A1CF: variants seen among roughly 807,000 people sequenced by gnomAD.
The protein encoded by A1CF is APOBEC1 complementation factor.
In A1CF, 48 loss-of-function variants were observed where a neutral mutation model predicts 68.9. The ratio of observed to expected loss-of-function variants is 0.70; its 90% CI spans 0.55 to 0.89. The LOEUF (loss-of-function observed/expected upper bound fraction) is 0.89. Among genes scored for constraint, A1CF ranks in the 40% least tolerant of loss-of-function variants. The pLI is 0.00. For missense variants in A1CF, 653 were observed against 718.9 expected, an observed-to-expected ratio of 0.91 and a Z score of 1.05; for synonymous variants, 272 against 260.4, an observed-to-expected ratio of 1.04 and a Z score of -0.43.
chr10:50,821,591 A>T (rs74963580), intron 7 of A1CF, among the ~76,000 whole-genome samples: 2 of 151,776 alleles, frequency 1.3e-5, no homozygotes, highest in Non-Finnish European at 2.9e-5. Context: ...GCTAGAGTGC[A>T]ATGGCGTGAT....
At chr10:50,828,987 C>A (rs1290405588) in intron 6 of A1CF, among the ~76,000 whole-genome samples, 5 of 152,138 alleles carry the variant, frequency 3.3e-5, no homozygotes, top group Non-Finnish European at 7.4e-5. Flanking sequence ...AATTTTAATT[C>A]TTCTGTAAAG....
At chr10:50,828,492 G>A (rs1032188145) in intron 6 of A1CF, 197 bp from the exon 7 acceptor site, 3 of 410,400 alleles carry the variant, frequency 7.3e-6, no homozygotes, top group Non-Finnish European at 8.6e-6. Context: ...CTGTGTGACC[G>A]GTGGCTTGTT....
chr10:50,850,646 T>C (rs760450981), intron 3 of A1CF: 1 of 1,613,886 alleles, frequency 6.2e-7, no homozygotes, highest in Admixed American at 1.7e-5. Flanking sequence ...CCAACTCACT[T>C]CTAAGACCCT....
chr10:50,866,230 TA>T (rs1564530465), intron 1 of A1CF, among the ~76,000 whole-genome samples: 2 of 152,192 alleles, frequency 1.3e-5, no homozygotes, highest in Admixed American at 1.3e-4. Context: ...ACAAGAAAAG[TA>T]AAAAAATTCA....
chr10:50,823,829 C>T (rs958260981), intron 7 of A1CF: 5 of 152,084 alleles, frequency 3.3e-5, no homozygotes, highest in Admixed American at 3.3e-4. Context: ...TCAAGTTCAT[C>T]ATGGTTAAAC....
chr10:50,839,900 G>A (rs895367132), intron 5 of A1CF, among the ~76,000 whole-genome samples: 10 of 151,988 alleles, frequency 6.6e-5, no homozygotes, highest in African/African-American at 1.9e-4. Context: ...GCGCCACCAC[G>A]CCCTGCTAAT....
At chr10:50,862,218 T>C (rs1840780341) in intron 2 of A1CF, among the ~76,000 whole-genome samples, 1 of 151,794 alleles carries the variant, frequency 6.6e-6, no homozygotes, top group African/African-American at 2.4e-5. Flanking sequence ...ATGCAAAAAT[T>C]AGCCAGGAGT....
At chr10:50,862,982 C>A (rs1482101740) in intron 2 of A1CF, 1 of 152,118 alleles carries the variant, frequency 6.6e-6, no homozygotes, top group Admixed American at 6.6e-5. Flanking sequence ...AACAGTCATG[C>A]TGAAATGACA....
chr10:50,829,698 A>C (rs1839148311), intron 6 of A1CF, among the ~76,000 whole-genome samples: 1 of 152,084 alleles, frequency 6.6e-6, no homozygotes, highest in African/African-American at 2.4e-5. Context: ...TGTATGCTTT[A>C]CATAGACTTT....
chr10:50,855,223 A>C (rs1840423620), intron 3 of A1CF, among the ~76,000 whole-genome samples: 1 of 151,928 alleles, frequency 6.6e-6, no homozygotes, highest in South Asian at 2.1e-4. Context: ...GACTCATCAT[A>C]ATGTAATTTT....
In A1CF at chr10:50,816,293, C is replaced by A. The variant is rs1838370045; in HGVS notation, c.868-14G>T. 6.2e-7 allele frequency: 1 copy of A among 1,611,342 alleles called. No homozygotes were observed. Among genetic ancestry groups the A allele is most frequent in the South Asian group, 1.1e-5 (1 of 90,906 alleles). On this transcript the variant is annotated splice_polypyrimidine_tract_variant and intron_variant, in intron 8 of 12. Transcript: ENST00000373997. ...ACCATCCAGCACCTGTTGTAGAGAGCAAAGAAATATCAACGCGAGATGATA... is the reference window on the plus strand; with the variant it reads ...ACCATCCAGCACCTGTTGTAGAGAGAAAAGAAATATCAACGCGAGATGATA...
rs1481606855 is a variant in A1CF, at chr10:50,860,315, G to A, written c.-45-330C>T. Reference sequence around the variant, plus strand: ...CAGCTCACATCTATTAAAAGAATATGAAGAATGTTCCTTACAGACGTGAGA... The same window carrying A: ...CAGCTCACATCTATTAAAAGAATATAAAGAATGTTCCTTACAGACGTGAGA... On this transcript the variant is annotated intron_variant, in intron 2 of 12. Coordinates refer to ENST00000373997, the MANE Select transcript of A1CF (RefSeq NM_014576.4). Among the ~76,000 whole-genome samples the A allele has an allele frequency of 2.0e-5, 3 of 152,286 alleles. No homozygotes were observed. In the East Asian group the frequency reaches 5.8e-4, roughly 29 times the overall value.
chr10:50,867,698 A>G (rs1841057221), intron 1 of A1CF, among the ~76,000 whole-genome samples: 2 of 152,222 alleles, frequency 1.3e-5, no homozygotes, highest in Non-Finnish European at 2.9e-5. Flanking sequence ...AGAAATGGTC[A>G]TTGTGAATGA....
chr10:50,824,889 G>A (rs1378047680), intron 7 of A1CF, among the ~76,000 whole-genome samples: 2 of 152,152 alleles, frequency 1.3e-5, no homozygotes, highest in African/African-American at 4.8e-5. Context: ...GGGTTGTGAT[G>A]AATAAATGAC....
chr10:50,818,387 C>T (rs886431918), intron 8 of A1CF, among the ~76,000 whole-genome samples: 9 of 151,882 alleles, frequency 5.9e-5, no homozygotes, highest in African/African-American at 1.9e-4. Context: ...TTTGATTTTT[C>T]CATACCACAT....
intron 3 of A1CF, among the ~76,000 whole-genome samples, chr10:50,849,921 G>T (rs1379408016): frequency 1.3e-5 from 2 of 149,316 alleles, no homozygotes; most frequent in African/African-American, 4.9e-5. Context: ...TGCCTCCCCA[G>T]TAGCTGAGAC....
chr10:50,862,322 T>A (rs1158310651), intron 2 of A1CF, among the ~76,000 whole-genome samples: 1 of 151,832 alleles, frequency 6.6e-6, no homozygotes, highest in Non-Finnish European at 1.5e-5. Context: ...GCTGAGATCA[T>A]GCCATTGCAC....
At chr10:50,841,771 T>A (rs1018237469) in intron 5 of A1CF, 91 bp downstream of exon 5, 50 of 1,486,224 alleles carry the variant, frequency 3.4e-5, no homozygotes, top group African/African-American at 4.3e-5. Flanking sequence ...GGCTTTTTTT[T>A]TGGCATACAC....
intron 9 of A1CF, among the ~76,000 whole-genome samples, chr10:50,814,903 C>A (rs1838293374): frequency 1.3e-5 from 2 of 152,054 alleles, no homozygotes; most frequent in South Asian, 2.1e-4. Flanking sequence ...ATCACATAGA[C>A]AAGTTACCTT....
Sources: gnomAD v4.1 joint callset for allele counts (sites outside exome capture counted in the v4.1 genomes callset) on GRCh38, gnomAD v4.1.1 for gene constraint, MANE v1.5 for transcripts, NCBI Gene and HGNC (gene_info 2026-07-23, HGNC 2026-07-21) for gene names.